GAP43: variants seen among roughly 807,000 people sequenced by gnomAD.
GAP43 encodes growth associated protein 43.
Under a neutral mutation model 18.6 loss-of-function variants are expected in GAP43, and 6 were observed. The ratio of observed to expected loss-of-function variants is 0.32; its 90% CI spans 0.18 to 0.64. GAP43 has a LOEUF of 0.64. Ranked by LOEUF, GAP43 falls within the 30% of genes least tolerant of loss-of-function variation. The probability of loss-of-function intolerance (pLI) is 0.78; values close to 1 mark genes in which losing one functional copy is unlikely to be tolerated. For synonymous variants in GAP43, 115 were observed against 111.4 expected (o/e 1.03, Z -0.20); for missense variants, 292 against 295.5 (o/e 0.99, Z 0.09).
Position 115,696,585 on chromosome 3 carries a change from C to G in GAP43, c.628+19975C>G, listed in dbSNP as rs528176025. On this transcript the variant is annotated intron_variant, in intron 2 of 2. Coordinates refer to ENST00000305124, the MANE Select transcript of GAP43 (RefSeq NM_002045.4). ...TCCTTGCTGCCCCCCACCGCCCCCCCCCCCCACAAACAGGTATGCTCATAT... is the reference window on the plus strand; with the variant it reads ...TCCTTGCTGCCCCCCACCGCCCCCCGCCCCCACAAACAGGTATGCTCATAT... 2.3e-3 allele frequency among the ~76,000 whole-genome samples: 286 copies of G among 126,296 alleles called. 14 individuals carry two copies. Among genetic ancestry groups the G allele is most frequent in the African/African-American group, 8.7e-3 (279 of 32,188 alleles). The allele number at this position is 126,296 out of a possible 152,430, so 82.9% of individuals were successfully genotyped here.
At chr3:115,638,467 C>G (rs774441616) in intron 1 of GAP43, among the ~76,000 whole-genome samples, 3 of 151,876 alleles carry the variant, frequency 2.0e-5, no homozygotes, top group Non-Finnish European at 2.9e-5. Flanking sequence ...CTTGAGAAGC[C>G]TTTCCATCTG....
intron 1 of GAP43, among the ~76,000 whole-genome samples, chr3:115,659,776 A>G (rs990025658): frequency 1.3e-5 from 2 of 152,074 alleles, no homozygotes. Flanking sequence ...GAGTGTAGGA[A>G]GCTCATGAGG....
chr3:115,688,462 CT>C (rs1709062577), intron 2 of GAP43, among the ~76,000 whole-genome samples: 1 of 151,980 alleles, frequency 6.6e-6, no homozygotes, highest in Non-Finnish European at 1.5e-5. Flanking sequence ...ATTTAAAAAA[CT>C]CTATCTATAC....
chr3:115,659,911 G>A (rs1158136350), intron 1 of GAP43, among the ~76,000 whole-genome samples: 2 of 152,160 alleles, frequency 1.3e-5, no homozygotes, highest in South Asian at 2.1e-4. Context: ...CCCCTCCCCC[G>A]CAACTAGGAC....
At chr3:115,719,816 A>G (rs1338813131) in intron 2 of GAP43, among the ~76,000 whole-genome samples, 1 of 152,216 alleles carries the variant, frequency 6.6e-6, no homozygotes, top group Non-Finnish European at 1.5e-5. Context: ...ACACTGACAC[A>G]GGGAGTTGAT....
intron 2 of GAP43, among the ~76,000 whole-genome samples, chr3:115,685,830 C>T (rs548064714): frequency 6.6e-6 from 1 of 152,322 alleles, no homozygotes; most frequent in East Asian, 1.9e-4. Flanking sequence ...CCTCCTTCCT[C>T]TTCCTTTGAT....
Position 115,685,940 on chromosome 3 carries a change from T to C in GAP43, c.628+9330T>C, listed in dbSNP as rs1709027020. 2.0e-5 allele frequency among the ~76,000 whole-genome samples: 3 copies of C among 152,212 alleles called. No individual in the cohort carries two copies. The South Asian group carries it at 6.2e-4, about 31-fold the overall frequency. ...TGCCACCAAGGTGTAAACCATTCAT[T>C]ATGATTTTATCAGATATCTGCAGCG... On this transcript the variant is annotated intron_variant, in intron 2 of 2. Transcript: ENST00000305124.
intron 2 of GAP43, among the ~76,000 whole-genome samples, chr3:115,684,685 A>C (rs1709012458): frequency 6.6e-6 from 1 of 152,174 alleles, no homozygotes; most frequent in South Asian, 2.1e-4. Context: ...CTGCTCATGT[A>C]ATCAGGATAT....
intron 1 of GAP43, among the ~76,000 whole-genome samples, chr3:115,655,592 A>C (rs1240323131): frequency 6.6e-6 from 1 of 152,184 alleles, no homozygotes; most frequent in Non-Finnish European, 1.5e-5. Context: ...ACAGGGATCT[A>C]GTGTCTGCCT....
At chr3:115,626,949 C>G (rs1708194744) in intron 1 of GAP43, among the ~76,000 whole-genome samples, 1 of 151,802 alleles carries the variant, frequency 6.6e-6, no homozygotes, top group Admixed American at 6.6e-5. Flanking sequence ...GGATTCCTCC[C>G]AAATCTCTCT....
At chr3:115,655,128 C>A (rs1413013190) in intron 1 of GAP43, among the ~76,000 whole-genome samples, 4 of 152,144 alleles carry the variant, frequency 2.6e-5, no homozygotes, top group Non-Finnish European at 4.4e-5. Context: ...CCCCACACAC[C>A]TCTGAGATCT....
intron 1 of GAP43, among the ~76,000 whole-genome samples, chr3:115,636,391 T>C (rs1708331164): frequency 6.6e-6 from 1 of 152,136 alleles, no homozygotes; most frequent in Admixed American, 6.6e-5. Context: ...CTTTTCATCT[T>C]CTGCCAGTCT....
chr3:115,688,051 C>T (rs143616103), intron 2 of GAP43, among the ~76,000 whole-genome samples: 1 of 152,112 alleles, frequency 6.6e-6, no homozygotes, highest in African/African-American at 2.4e-5. Flanking sequence ...GAGTCTCACT[C>T]TATCACCCAG....
chr3:115,655,372 G>A (rs1708566895), intron 1 of GAP43, among the ~76,000 whole-genome samples: 2 of 152,168 alleles, frequency 1.3e-5, no homozygotes, highest in Admixed American at 1.3e-4. Flanking sequence ...GTAGATACTT[G>A]CTTTTCCCCA....
chr3:115,670,498 G>C (rs1708804263), intron 1 of GAP43, among the ~76,000 whole-genome samples: 1 of 152,126 alleles, frequency 6.6e-6, no homozygotes, highest in Non-Finnish European at 1.5e-5. Flanking sequence ...CTGGCCCACT[G>C]TCTTCTCTCT....
chr3:115,690,088 T>A (rs145957911), intron 2 of GAP43, among the ~76,000 whole-genome samples: 100 of 152,340 alleles, frequency 6.6e-4, no homozygotes, highest in Non-Finnish European at 1.2e-3. Context: ...TTTTATGGGA[T>A]CTTCCAGCAC....
At chr3:115,693,164 C>T (rs1709136134) in intron 2 of GAP43, among the ~76,000 whole-genome samples, 1 of 152,124 alleles carries the variant, frequency 6.6e-6, no homozygotes. Flanking sequence ...ATGGAGGTGG[C>T]GATTCCAGGC....
chr3:115,674,779 T>C (rs1438367), intron 1 of GAP43, among the ~76,000 whole-genome samples: 23,314 of 152,170 alleles, frequency 0.15, 2,175 homozygotes, highest in East Asian at 0.42. Flanking sequence ...GTGACCAGCA[T>C]TGTTAAGTTG....
chr3:115,670,677 C>A (rs948756687), intron 1 of GAP43, among the ~76,000 whole-genome samples: 1 of 152,086 alleles, frequency 6.6e-6, no homozygotes, highest in Admixed American at 6.5e-5. Context: ...TGACTTTCAC[C>A]TCAATAAATT....
Sources: allele counts gnomAD v4.1 joint callset (sites outside exome capture counted in the v4.1 genomes callset), GRCh38; gene constraint gnomAD v4.1.1; transcripts MANE v1.5; gene names NCBI Gene and HGNC (gene_info 2026-07-23, HGNC 2026-07-21).